ZHX3: variants seen among roughly 807,000 people sequenced by gnomAD.
ZHX3 encodes zinc fingers and homeoboxes 3.
In ZHX3, 20 loss-of-function variants were observed where a neutral mutation model predicts 64.5. The ratio of observed to expected loss-of-function variants is 0.31; its 90% CI spans 0.22 to 0.45. ZHX3 has a LOEUF of 0.45. Among genes scored for constraint, ZHX3 ranks in the 20% least tolerant of loss-of-function variants. The probability of loss-of-function intolerance (pLI) is 1.00; values close to 1 mark genes in which losing one functional copy is unlikely to be tolerated. For synonymous variants in ZHX3, 423 were observed against 461.6 expected, an observed-to-expected ratio of 0.92 and a Z score of 1.07; for missense variants, 1,041 against 1,195.8, an observed-to-expected ratio of 0.87 and a Z score of 1.91.
At position 41,310,877 on chromosome 20, in the gene ZHX3, C is replaced by T. The variant is rs991135158; in HGVS notation, c.-245+6632G>A. ...AGGCTGGAGTGCAGTGGCGTGATCT[C>T]GGCTCACTGCAACCTCCCCCTCCCA... On this transcript the variant is annotated intron_variant, in intron 1 of 3. Coordinates refer to ENST00000683867, the MANE Select transcript of ZHX3 (RefSeq NM_001384317.1). 2.6e-4 allele frequency among the ~76,000 whole-genome samples: 35 copies of T among 135,746 alleles called. No homozygotes were observed. The Admixed American group carries it at 2.8e-3, about 11-fold the overall frequency. The allele number at this position is 135,746 out of a possible 152,430, so 89.1% of individuals were successfully genotyped here. A position where few individuals can be genotyped will look rare whatever the true frequency, so the allele number is the denominator to read the frequency against.
chr20:41,260,481 C>T (rs1028010265), intron 2 of ZHX3, among the ~76,000 whole-genome samples: 2 of 152,172 alleles, frequency 1.3e-5, no homozygotes, highest in Non-Finnish European at 2.9e-5. Context: ...GATGTCACTT[C>T]TGGACCAAGG....
Position 41,232,743 on chromosome 20 carries a change from G to A in ZHX3, c.-150-27677C>T, listed in dbSNP as rs749588207. 6.6e-6 allele frequency among the ~76,000 whole-genome samples: 1 copy of A among 151,842 alleles called. No individual in the cohort carries two copies. Among genetic ancestry groups the A allele is most frequent in the Non-Finnish European group, 1.5e-5 (1 of 67,950 alleles). On this transcript the variant is annotated intron_variant, in intron 2 of 3. Coordinates refer to ENST00000683867, the MANE Select transcript of ZHX3 (RefSeq NM_001384317.1). The surrounding 1 kb of genome is among the most constrained non-coding windows in gnomAD (Gnocchi z 5.0). ...GGGGACTACAGGCGCCCACCACCTC[G>A]CCCGGCTAATTTTTTGTATTTTTAG...
At chr20:41,194,515 T>C (rs191970288) in intron 3 of ZHX3, among the ~76,000 whole-genome samples, 32 of 148,668 alleles carry the variant, frequency 2.2e-4, no homozygotes, top group African/African-American at 7.9e-4. Flanking sequence ...ATAAGAGATA[T>C]TAGTCTGTAG....
chr20:41,193,503 G>A (rs768489934), intron 3 of ZHX3, among the ~76,000 whole-genome samples: 3 of 152,046 alleles, frequency 2.0e-5, no homozygotes, highest in Non-Finnish European at 4.4e-5. Context: ...GACAGATAGG[G>A]TCTCACTATG....
Position 41,201,891 on chromosome 20 carries a change from A to G in ZHX3, c.2860+166T>C, listed in dbSNP as rs1238036958. Among the ~76,000 whole-genome samples, 2 of 152,164 alleles carry G rather than the reference A, an allele frequency of 1.3e-5. No homozygotes were observed. The highest frequency in any genetic ancestry group is 2.9e-5 in the Non-Finnish European group (2 of 68,012). ...CAACCGTTTATCATATTATATTCCT[A>G]TGGCTTCTGCTGCTAGTTGTCCTCT... On this transcript the variant is annotated intron_variant, in intron 3 of 3. Coordinates refer to ENST00000683867, the MANE Select transcript of ZHX3 (RefSeq NM_001384317.1). This position sits in a 1 kb window ranked among gnomAD's most constrained non-coding sequence, Gnocchi z 5.0.
intron 1 of ZHX3, among the ~76,000 whole-genome samples, chr20:41,313,344 CAGAA>C (rs1339561533): frequency 6.6e-6 from 1 of 151,984 alleles, no homozygotes; most frequent in Non-Finnish European, 1.5e-5. Context: ...GGAGACGTAA[CAGAA>C]AGAGTCATCT....
At chr20:41,222,622 A>G (rs1214207731) in intron 2 of ZHX3, among the ~76,000 whole-genome samples, 1 of 152,208 alleles carries the variant, frequency 6.6e-6, no homozygotes, top group East Asian at 1.9e-4. Context: ...ATAAGAGCCA[A>G]GTAGTTAGAA....
At position 41,197,376 on chromosome 20, in the gene ZHX3, T is replaced by C. The variant is rs190994022; in HGVS notation, c.2860+4681A>G. ...TTTAAAATATATATTTTATATATAATTGTATATATTTTAAATATATTTTAT... is the reference window on the plus strand; with the variant it reads ...TTTAAAATATATATTTTATATATAACTGTATATATTTTAAATATATTTTAT... On this transcript the variant is annotated intron_variant, in intron 3 of 3. Transcript: ENST00000683867. 4.5e-3 allele frequency among the ~76,000 whole-genome samples: 663 copies of C among 146,992 alleles called. 7 individuals are homozygous for C. Among genetic ancestry groups the C allele is most frequent in the African/African-American group, 0.015 (603 of 40,622 alleles).
intron 2 of ZHX3, among the ~76,000 whole-genome samples, chr20:41,265,889 A>C (rs1294311212): frequency 6.6e-6 from 1 of 152,236 alleles, no homozygotes; most frequent in East Asian, 1.9e-4. Context: ...CTCCTGTACA[A>C]ATGTCTCTAG....
Position 41,183,126 on chromosome 20 carries a change from C to G in ZHX3, c.*2065G>C, listed in dbSNP as rs1031644642. On this transcript the variant is annotated 3_prime_UTR_variant, in exon 4 of 4. Coordinates refer to ENST00000683867, the MANE Select transcript of ZHX3 (RefSeq NM_001384317.1). This position sits in a 1 kb window ranked among gnomAD's most constrained non-coding sequence, Gnocchi z 5.3. ...TGCCACCAAGTTTCTCAACTGCACACGCCAGATGCGCGTTTTACGAGAATC... is the reference window on the plus strand; with the variant it reads ...TGCCACCAAGTTTCTCAACTGCACAGGCCAGATGCGCGTTTTACGAGAATC... The G allele has an allele frequency of 2.0e-5, 3 of 152,228 alleles. No individual in the cohort carries two copies. Among genetic ancestry groups the G allele is most frequent in the African/African-American group, 7.2e-5 (3 of 41,446 alleles). The allele number at this position is 152,228 out of a possible 1,614,324, so 9.4% of individuals were successfully genotyped here. A position where few individuals can be genotyped will look rare whatever the true frequency, so the allele number is the denominator to read the frequency against.
chr20:41,261,059 G>A (rs559625981), intron 2 of ZHX3, among the ~76,000 whole-genome samples: 1 of 152,298 alleles, frequency 6.6e-6, no homozygotes, highest in East Asian at 1.9e-4. Flanking sequence ...ACTACTTTCA[G>A]CATGGAAAGA....
At position 41,203,726 on chromosome 20, in the gene ZHX3, G is replaced by A. The variant is rs754679628; in HGVS notation, c.1191C>T (p.Ala397=). 5 of 1,614,122 alleles carry A rather than the reference G, an allele frequency of 3.1e-6. No individual in the cohort carries two copies. The South Asian group carries it at 5.5e-5, about 18-fold the overall frequency. ...TGAGATGCTGGACATTGCCAGCACT[G>A]GCGACGAGTGGGGTATTTAGAACCG... ...TITVLNTPLV[A]SAGNVQHLIQ... is the part of the protein sequence containing the mutation. The change falls in exon 3 of 4, where the codon GCC becomes GCT. Residue 397 remains alanine (A), a synonymous_variant. Coordinates refer to ENST00000683867, the MANE Select transcript of ZHX3 (RefSeq NM_001384317.1). This position sits in a 1 kb window ranked among gnomAD's most constrained non-coding sequence, Gnocchi z 7.1.
chr20:41,201,828 G>T lies in ZHX3; in HGVS notation c.2860+229C>A, dbSNP rs950640778. Reference sequence around the variant, plus strand: ...AGGGTCACCATGTTCCTTCCCCTGCGCAGGTTTTTAAAAACACATGAAACA... The same window carrying T: ...AGGGTCACCATGTTCCTTCCCCTGCTCAGGTTTTTAAAAACACATGAAACA... On this transcript the variant is annotated intron_variant, in intron 3 of 3. Transcript: ENST00000683867. This position sits in a 1 kb window ranked among gnomAD's most constrained non-coding sequence, Gnocchi z 5.0. Among the ~76,000 whole-genome samples, 1 of 152,098 alleles carries T rather than the reference G, an allele frequency of 6.6e-6. No homozygotes were observed. Among genetic ancestry groups the T allele is most frequent in the Admixed American group, 6.6e-5 (1 of 15,264 alleles).
intron 2 of ZHX3, among the ~76,000 whole-genome samples, chr20:41,242,852 G>C (rs539351076): frequency 6.6e-6 from 1 of 152,112 alleles, no homozygotes; most frequent in East Asian, 1.9e-4. Context: ...ATCCCTAAGA[G>C]CATATGGCAA....
chr20:41,187,941 G>C, intron 3 of ZHX3, among the ~76,000 whole-genome samples: 1 of 152,056 alleles, frequency 6.6e-6, no homozygotes, highest in Non-Finnish European at 1.5e-5. Context: ...CTCTATTCTA[G>C]CTACTTTGAA....
chr20:41,207,242 A>G (rs1459669331), intron 2 of ZHX3, among the ~76,000 whole-genome samples: 7 of 152,190 alleles, frequency 4.6e-5, no homozygotes, highest in Non-Finnish European at 1.0e-4. Flanking sequence ...AACTGCATCA[A>G]CTAACGAGCA....
intron 2 of ZHX3, among the ~76,000 whole-genome samples, chr20:41,211,688 T>C (rs1306508544): frequency 1.3e-5 from 2 of 152,214 alleles, no homozygotes; most frequent in Non-Finnish European, 1.5e-5. Flanking sequence ...TACCTAATAA[T>C]GTACCACAAT....
chr20:41,287,059 G>A (rs1021603829), intron 1 of ZHX3, among the ~76,000 whole-genome samples: 1 of 152,170 alleles, frequency 6.6e-6, no homozygotes, highest in African/African-American at 2.4e-5. Context: ...TATCTTTATA[G>A]CAGTATAAGA....
At chr20:41,246,443 G>A (rs1229249287) in intron 2 of ZHX3, among the ~76,000 whole-genome samples, 2 of 152,080 alleles carry the variant, frequency 1.3e-5, no homozygotes, top group East Asian at 1.9e-4. Context: ...CAATTTGGTT[G>A]GGCTTTCCCC....
Sources: allele counts gnomAD v4.1 joint callset (sites outside exome capture counted in the v4.1 genomes callset), GRCh38; gene constraint gnomAD v4.1.1; non-coding constraint Gnocchi (gnomAD v3.1); transcripts MANE v1.5; gene names NCBI Gene and HGNC (gene_info 2026-07-23, HGNC 2026-07-21).